Variants in RBM39 observed in about 807,000 individuals in gnomAD.
RBM39 encodes the protein RNA binding motif protein 39.
RBM39 carries 12 observed loss-of-function variants against 79.6 expected under a neutral mutation model. The observed-to-expected ratio is 0.15, with a 90% CI of 0.10 to 0.24. RBM39 has a LOEUF of 0.24. Among genes scored for constraint, RBM39 ranks in the 10% least tolerant of loss-of-function variants. The probability of loss-of-function intolerance (pLI) is 1.00; values close to 1 mark genes in which losing one functional copy is unlikely to be tolerated. For synonymous variants in RBM39, 185 were observed against 208.4 expected (o/e 0.89, Z 0.97); for missense variants, 243 against 653.4 (o/e 0.37, Z 6.85).
At chr20:35,733,621 AAG>A (rs1488874609) in intron 3 of RBM39, among the ~76,000 whole-genome samples, 1 of 152,134 alleles carries the variant, frequency 6.6e-6, no homozygotes, top group Non-Finnish European at 1.5e-5. Context: ...AAAAAAGAAA[AAG>A]AAAAAGAACT....
chr20:35,724,376 G>GA (rs2038387721), intron 8 of RBM39, among the ~76,000 whole-genome samples, 194 bp downstream of exon 8: 1 of 148,106 alleles, frequency 6.8e-6, no homozygotes, highest in South Asian at 2.1e-4. Context: ...AACACAAGGA[G>GA]AAACGACAGG....
At chr20:35,728,296 A>G (rs2425109) in intron 6 of RBM39, among the ~76,000 whole-genome samples, 28,441 of 152,158 alleles carry the variant, frequency 0.19, 3,067 homozygotes, top group African/African-American at 0.31. Flanking sequence ...AAAGTTTGAT[A>G]TAACTGCTAC....
chr20:35,716,055 T>C (rs1384457848), intron 10 of RBM39, among the ~76,000 whole-genome samples: 2 of 152,134 alleles, frequency 1.3e-5, no homozygotes, highest in Non-Finnish European at 2.9e-5. Context: ...TTATTTTATA[T>C]TTATTTATTT....
At chr20:35,737,262 C>A (rs1327723658) in intron 3 of RBM39, among the ~76,000 whole-genome samples, 1 of 151,402 alleles carries the variant, frequency 6.6e-6, no homozygotes, top group African/African-American at 2.4e-5. Context: ...CGGTGGCAGG[C>A]ACCTGTAATC....
intron 9 of RBM39, among the ~76,000 whole-genome samples, chr20:35,719,184 C>A (rs1345263043): frequency 2.6e-5 from 4 of 152,038 alleles, no homozygotes; most frequent in Non-Finnish European, 1.5e-5. Flanking sequence ...GCATATGCCA[C>A]CCAAGACCGG....
chr20:35,721,880 A>G lies in RBM39; in HGVS notation c.688-3T>C, dbSNP rs745448916. ...GCTGCAGCTCTGTTTTTTTCTGCCTAGAAGACAAAATACACGTCACACAGA... is the reference window on the plus strand; with the variant it reads ...GCTGCAGCTCTGTTTTTTTCTGCCTGGAAGACAAAATACACGTCACACAGA... On this transcript the variant is annotated splice_region_variant and splice_polypyrimidine_tract_variant and intron_variant, in intron 8 of 16. Coordinates refer to ENST00000253363, the MANE Select transcript of RBM39 (RefSeq NM_184234.3). The G allele has an allele frequency of 3.7e-6, 6 of 1,613,000 alleles. No individual in the cohort carries two copies. Among genetic ancestry groups the G allele is most frequent in the Non-Finnish European group, 5.1e-6 (6 of 1,179,198 alleles).
rs1406757463 is a variant in RBM39, at chr20:35,742,008, CT to C, written c.-82del. ...GAGATTGCTGCTGCTGCTGCTGCTG[CT>C]GCCGCCGCCGCCGCTTCTGTTGCTA... On this transcript the variant is annotated 5_prime_UTR_variant, in exon 1 of 17. Transcript: ENST00000253363. 8 of 255,684 alleles carry C rather than the reference CT, an allele frequency of 3.1e-5. No homozygotes were observed. The highest frequency in any genetic ancestry group is 1.1e-4 in the South Asian group (3 of 26,102). The allele number at this position is 255,684 out of a possible 1,614,324, so 15.8% of individuals were successfully genotyped here.
At chr20:35,708,084 T>G in intron 13 of RBM39, 1 of 247,044 alleles carries the variant, frequency 4.0e-6, no homozygotes, top group East Asian at 1.5e-4. Flanking sequence ...ATTAGGGCTG[T>G]GCATGAAATA....
At chr20:35,738,858 G>A in intron 3 of RBM39, 110 bp downstream of exon 3, 2 of 959,984 alleles carry the variant, frequency 2.1e-6, no homozygotes, top group Non-Finnish European at 1.6e-6. Flanking sequence ...AAGCAGCAAA[G>A]AAAAGCTTCA....
intron 6 of RBM39, among the ~76,000 whole-genome samples, chr20:35,728,317 CAAAG>C (rs1169724164): frequency 1.3e-5 from 2 of 152,208 alleles, no homozygotes; most frequent in Admixed American, 1.3e-4. Context: ...GTTGCCAACA[CAAAG>C]AAACATTTAA....
At chr20:35,728,488 A>C (rs1173458575) in intron 6 of RBM39, among the ~76,000 whole-genome samples, 1 of 152,194 alleles carries the variant, frequency 6.6e-6, no homozygotes, top group Non-Finnish European at 1.5e-5. Flanking sequence ...TTACATTAAA[A>C]TAACTTTAGA....
chr20:35,719,148 G>A (rs375113269), intron 9 of RBM39, among the ~76,000 whole-genome samples: 7 of 152,138 alleles, frequency 4.6e-5, no homozygotes, highest in African/African-American at 1.7e-4. Context: ...TCCTGTCTGA[G>A]CCTCCAGAGT....
intron 12 of RBM39, 101 bp from the exon 13 acceptor site, chr20:35,709,375 G>A (rs1482396124): frequency 6.0e-6 from 6 of 993,814 alleles, no homozygotes; most frequent in East Asian, 2.6e-5. Context: ...TCATTCAAAT[G>A]CACTTAGTAA....
intron 6 of RBM39, among the ~76,000 whole-genome samples, chr20:35,727,635 C>A (rs376739831): frequency 2.0e-4 from 30 of 150,498 alleles, no homozygotes; most frequent in East Asian, 7.8e-4. Flanking sequence ...ACCACCATGC[C>A]CAGCTAATTT....
chr20:35,736,430 C>CAAA (rs559695341), intron 3 of RBM39: 1 of 268,206 alleles, frequency 3.7e-6, no homozygotes, highest in Non-Finnish European at 7.9e-6. Context: ...AGGGGAACTA[C>CAAA]AAAAAAAAAA....
chr20:35,724,565 A>T lies in RBM39; in HGVS notation c.687+5T>A. On this transcript the variant is annotated splice_donor_5th_base_variant and intron_variant, in intron 8 of 16. Coordinates refer to ENST00000253363, the MANE Select transcript of RBM39 (RefSeq NM_184234.3). ...AATCAAACTCTTAACCAACAAAAAA[A>T]TTACCTGTGATGCCTGTACTATGAT... is the stretch of plus-strand genomic sequence containing the variant. 1.9e-6 allele frequency: 3 copies of T among 1,611,348 alleles called. No homozygotes were observed. The highest frequency in any genetic ancestry group is 1.1e-5 in the South Asian group (1 of 90,240).
intron 13 of RBM39, among the ~76,000 whole-genome samples, chr20:35,708,391 T>C (rs1159866461): frequency 6.6e-6 from 1 of 152,062 alleles, no homozygotes; most frequent in African/African-American, 2.4e-5. Flanking sequence ...TTATATACTA[T>C]GAATACTAAA....
In RBM39 at chr20:35,704,282, G is replaced by A. The variant is rs1375491424; in HGVS notation, c.*199C>T. 2.2e-6 allele frequency: 1 copy of A among 457,158 alleles called. No individual in the cohort carries two copies. The highest frequency in any genetic ancestry group is 3.9e-6 in the Non-Finnish European group (1 of 255,594). 28.3% of individuals were successfully genotyped at this position (457,158 alleles called of 1,614,324 possible). A position where few individuals can be genotyped will look rare whatever the true frequency, so the allele number is the denominator to read the frequency against. The stretch of plus-strand genomic sequence containing the variant: ...AAAGGCAGAACAAGAGAACAGTTTT[G>A]TATACAGTGGGATTTACTATTTAGG... On this transcript the variant is annotated 3_prime_UTR_variant, in exon 17 of 17. Coordinates refer to ENST00000253363, the MANE Select transcript of RBM39 (RefSeq NM_184234.3).
chr20:35,734,554 T>G (rs904116950), intron 3 of RBM39: 1 of 234,052 alleles, frequency 4.3e-6, no homozygotes, highest in Admixed American at 5.1e-5. Flanking sequence ...CTGCTCTAGA[T>G]GGGCTATAGC....
Sources: gnomAD v4.1 joint callset for allele counts (sites outside exome capture counted in the v4.1 genomes callset) on GRCh38, gnomAD v4.1.1 for gene constraint, MANE v1.5 for transcripts, NCBI Gene and HGNC (gene_info 2026-07-23, HGNC 2026-07-21) for gene names.